CAPZA1: variants seen among roughly 807,000 people sequenced by gnomAD.
CAPZA1 encodes the protein capping actin protein of muscle Z-line subunit alpha 1.
A neutral mutation model predicts 40.8 loss-of-function variants in CAPZA1; 10 were observed. The observed-to-expected ratio is 0.25, with a 90% CI of 0.15 to 0.42. The LOEUF (loss-of-function observed/expected upper bound fraction) is 0.42. Ranked by LOEUF, CAPZA1 falls within the 10% of genes least tolerant of loss-of-function variation. The pLI is 1.00. For missense variants in CAPZA1, 277 were observed against 353.8 expected (o/e 0.78, Z 1.74); for synonymous variants, 98 against 115.0 (o/e 0.85, Z 0.95).
intron 7 of CAPZA1, among the ~76,000 whole-genome samples, chr1:112,662,481 C>T (rs1161818774): frequency 7.0e-6 from 1 of 141,880 alleles, no homozygotes; most frequent in Non-Finnish European, 1.5e-5. Flanking sequence ...TCACTGCAAG[C>T]TCCACCTCCC....
At chr1:112,639,206 T>C (rs1240750080) in intron 1 of CAPZA1, among the ~76,000 whole-genome samples, 1 of 152,108 alleles carries the variant, frequency 6.6e-6, no homozygotes, top group Admixed American at 6.6e-5. Flanking sequence ...CATCTAATGA[T>C]AACTACATTA....
intron 1 of CAPZA1, among the ~76,000 whole-genome samples, chr1:112,640,204 C>A (rs1570709211): frequency 8.3e-6 from 1 of 120,972 alleles, no homozygotes; most frequent in Non-Finnish European, 1.8e-5. Flanking sequence ...GTCAGCCCCC[C>A]GCCCGGCCAG....
chr1:112,667,749 C>T (rs956024509), intron 8 of CAPZA1, among the ~76,000 whole-genome samples: 1 of 151,966 alleles, frequency 6.6e-6, no homozygotes, highest in Non-Finnish European at 1.5e-5. Flanking sequence ...TGAGGCTGGT[C>T]TCAAACTCCT....
At chr1:112,643,523 T>C (rs1557731404) in intron 1 of CAPZA1, among the ~76,000 whole-genome samples, 1 of 152,152 alleles carries the variant, frequency 6.6e-6, no homozygotes, top group African/African-American at 2.4e-5. Context: ...TCTTAAAAAA[T>C]GTGTAGGATT....
intron 1 of CAPZA1, among the ~76,000 whole-genome samples, chr1:112,628,819 A>G (rs528080704): frequency 1.3e-5 from 2 of 152,342 alleles, no homozygotes; most frequent in Non-Finnish European, 2.9e-5. Flanking sequence ...ATCTTTGACT[A>G]CTATTTCTTT....
rs555662346 is a variant in CAPZA1, at chr1:112,661,776, C to T, written c.585+1997C>T. Among the ~76,000 whole-genome samples the T allele has an allele frequency of 3.3e-5, 5 of 152,324 alleles. No individual in the cohort carries two copies. The East Asian group carries it at 7.7e-4, about 23-fold the overall frequency. On this transcript the variant is annotated intron_variant, in intron 7 of 9. Transcript: ENST00000263168. ...AAACCTATAAAATAAGAGCACACAT[C>T]ACAAAGGGTGATAATTTATGGTAAG...
chr1:112,642,199 C>T (rs1309727571), intron 1 of CAPZA1, among the ~76,000 whole-genome samples: 1 of 137,440 alleles, frequency 7.3e-6, no homozygotes, highest in Non-Finnish European at 1.5e-5. Flanking sequence ...GACTACCCCG[C>T]ACCTTTTTTT....
At chr1:112,648,353 T>C (rs888941878) in intron 2 of CAPZA1, among the ~76,000 whole-genome samples, 38 of 136,824 alleles carry the variant, frequency 2.8e-4, no homozygotes, top group Admixed American at 1.8e-3. Flanking sequence ...TTTTCTTTTT[T>C]TTTTTTTTTT....
chr1:112,654,323 G>C (rs994082921), intron 4 of CAPZA1, 142 bp from the exon 5 acceptor site: 10 of 596,778 alleles, frequency 1.7e-5, no homozygotes, highest in Non-Finnish European at 2.7e-5. Flanking sequence ...AATAATACGG[G>C]ACTTGGTTGA....
intron 1 of CAPZA1, among the ~76,000 whole-genome samples, chr1:112,645,950 C>T (rs984025307): frequency 2.6e-5 from 3 of 115,526 alleles, no homozygotes; most frequent in African/African-American, 3.6e-5. Context: ...AACAACATAG[C>T]GAGACCCTGT....
chr1:112,664,936 A>C (rs937414604), intron 7 of CAPZA1, among the ~76,000 whole-genome samples: 2 of 151,866 alleles, frequency 1.3e-5, no homozygotes, highest in African/African-American at 4.8e-5. Flanking sequence ...ACTCTGTCTC[A>C]AAAAAAAGGA....
intron 7 of CAPZA1, among the ~76,000 whole-genome samples, chr1:112,665,400 G>A (rs1353417946): frequency 6.6e-6 from 1 of 151,752 alleles, no homozygotes; most frequent in Non-Finnish European, 1.5e-5. Context: ...GGCTGGTTTC[G>A]AACTCCTGAC....
rs148337856 is a variant in CAPZA1, at chr1:112,627,916, C to T, written c.39+8033C>T. Among the ~76,000 whole-genome samples, 544 of 150,188 alleles carry T rather than the reference C, an allele frequency of 3.6e-3. 6 individuals carry two copies. Among genetic ancestry groups the T allele is most frequent in the African/African-American group, 0.012 (505 of 40,878 alleles). On this transcript the variant is annotated intron_variant, in intron 1 of 9. Transcript: ENST00000263168. ...CGGAGGTTGCAGTGAGCCAAGATTG[C>T]GCCATTGCACTCCAGCCTGGGCAAC...
chr1:112,665,464 A>C (rs1172541845), intron 7 of CAPZA1, among the ~76,000 whole-genome samples: 1 of 151,930 alleles, frequency 6.6e-6, no homozygotes, highest in African/African-American at 2.4e-5. Context: ...ACAGGCATAA[A>C]CCACCGCGCC....
chr1:112,666,565 A>G (rs1236647012), intron 7 of CAPZA1, among the ~76,000 whole-genome samples: 1 of 152,196 alleles, frequency 6.6e-6, no homozygotes, highest in East Asian at 1.9e-4. Context: ...TGATTTACCA[A>G]TAAAATATTT....
At position 112,629,124 on chromosome 1, in the gene CAPZA1, G is replaced by A. The variant is rs557685709; in HGVS notation, c.39+9241G>A. ...TTCCCATCTTTTTCTAAGTCCCTATGTTCTGGGATGTTACCTCTTTGCCAT... is the reference window on the plus strand; with the variant it reads ...TTCCCATCTTTTTCTAAGTCCCTATATTCTGGGATGTTACCTCTTTGCCAT... On this transcript the variant is annotated intron_variant, in intron 1 of 9. Transcript: ENST00000263168. 7.7e-4 allele frequency among the ~76,000 whole-genome samples: 118 copies of A among 152,258 alleles called. No homozygotes were observed. The Middle Eastern group carries it at 0.014, about 18-fold the overall frequency.
intron 5 of CAPZA1, among the ~76,000 whole-genome samples, chr1:112,656,439 G>GTTTTT (rs1671501002): frequency 3.3e-4 from 3 of 9,052 alleles, no homozygotes; most frequent in African/African-American, 8.7e-4. Flanking sequence ...CATTATGTTT[G>GTTTTT]ATTTTTTTTT....
Position 112,654,447 on chromosome 1 carries a change from T to A in CAPZA1, c.220-18T>A. The A allele has an allele frequency of 6.4e-7, 1 of 1,559,956 alleles. No homozygotes were observed. The highest frequency in any genetic ancestry group is 1.1e-5 in the South Asian group (1 of 88,166). ...GTCTTTTTTACAGTTACTCATATGT[T>A]TAATGATTCTTTGGAAGGTCTTAAT... On this transcript the variant is annotated intron_variant, in intron 4 of 9. Transcript: ENST00000263168.
intron 7 of CAPZA1, among the ~76,000 whole-genome samples, chr1:112,664,677 T>C (rs1355020555): frequency 1.3e-5 from 2 of 152,194 alleles, no homozygotes; most frequent in Non-Finnish European, 2.9e-5. Context: ...GGCTCATGAC[T>C]GTAATCCCAG....
Sources: gnomAD v4.1 joint callset for allele counts (sites outside exome capture counted in the v4.1 genomes callset) on GRCh38, gnomAD v4.1.1 for gene constraint, MANE v1.5 for transcripts, NCBI Gene and HGNC (gene_info 2026-07-23, HGNC 2026-07-21) for gene names.